Variants in DGKB observed in about 807,000 individuals in gnomAD.
DGKB encodes 90 kDa diacylglycerol kinase.
A neutral mutation model predicts 114.3 loss-of-function variants in DGKB; 67 were observed. That is an observed-to-expected ratio of 0.59 (90% confidence interval 0.48 to 0.72). The LOEUF (loss-of-function observed/expected upper bound fraction) is 0.72, where lower values mean the gene tolerates loss of function less well. DGKB is among the 30% of genes least tolerant of loss of function. The pLI, the probability that DGKB is intolerant of heterozygous loss-of-function variation, is 0.00. For missense variants in DGKB, 907 were observed against 975.2 expected (o/e 0.93, Z 0.93); for synonymous variants, 398 against 323.1 (o/e 1.23, Z -2.49).
rs1412923361 is a variant in DGKB at position 14,494,564 on chromosome 7, G to T, written c.1771-16339C>A. Among the ~76,000 whole-genome samples the T allele has an allele frequency of 2.0e-5, 3 of 151,868 alleles. No individual in the cohort carries two copies. In the South Asian group the frequency reaches 6.2e-4, roughly 32 times the overall value. ...TTAACCACACTTATGGCTTAATATGGCATTCACTTATTAAGAATGATAACC... is the reference window on the plus strand; with the variant it reads ...TTAACCACACTTATGGCTTAATATGTCATTCACTTATTAAGAATGATAACC... On this transcript the variant is annotated intron_variant, in intron 20 of 25. Transcript: ENST00000402815.
intron 1 of DGKB, among the ~76,000 whole-genome samples, chr7:14,902,360 G>A (rs1783230045): frequency 6.6e-6 from 1 of 152,162 alleles, no homozygotes; most frequent in African/African-American, 2.4e-5. Flanking sequence ...ACAATGGACA[G>A]GGCACTTTCT....
intron 23 of DGKB, among the ~76,000 whole-genome samples, chr7:14,211,403 TA>T (rs751268362): frequency 1.0e-3 from 72 of 69,164 alleles, no homozygotes; most frequent in South Asian, 4.1e-3. Context: ...TGTTTTGTGA[TA>T]TTTACTCTCA....
intron 23 of DGKB, among the ~76,000 whole-genome samples, chr7:14,308,463 G>T (rs1282758090): frequency 1.3e-5 from 2 of 152,084 alleles, no homozygotes; most frequent in South Asian, 4.1e-4. Context: ...ATGTTTAAAA[G>T]AATATTCAAA....
intron 23 of DGKB, among the ~76,000 whole-genome samples, chr7:14,307,716 A>G (rs889366841): frequency 1.3e-5 from 2 of 152,208 alleles, no homozygotes; most frequent in Non-Finnish European, 2.9e-5. Flanking sequence ...TTTCACTTAT[A>G]CATTGCTAAG....
At chr7:14,583,022 C>G (rs1800180645) in intron 18 of DGKB, 30 bp downstream of exon 18, 2 of 1,417,534 alleles carry the variant, frequency 1.4e-6, no homozygotes, top group Admixed American at 1.7e-5. Flanking sequence ...TGCTCTCTCC[C>G]CAGCCATATT....
At chr7:14,545,727 C>A (rs569779509) in intron 20 of DGKB, among the ~76,000 whole-genome samples, 1 of 152,272 alleles carries the variant, frequency 6.6e-6, no homozygotes, top group Admixed American at 6.5e-5. Context: ...TTTCTGGGAA[C>A]GTTTATTTTT....
intron 25 of DGKB, among the ~76,000 whole-genome samples, chr7:14,157,841 T>C (rs1005359045): frequency 2.0e-5 from 3 of 152,172 alleles, no homozygotes; most frequent in African/African-American, 7.2e-5. Context: ...ACATGGAAAA[T>C]AGAAGTCAAA....
At chr7:14,935,971 A>C (rs1322558896) in intron 1 of DGKB, among the ~76,000 whole-genome samples, 1 of 152,146 alleles carries the variant, frequency 6.6e-6, no homozygotes, top group Non-Finnish European at 1.5e-5. Flanking sequence ...AGACTATAGA[A>C]CTCAGTTTGG....
At chr7:14,175,263 T>G (rs1781558408) in intron 25 of DGKB, among the ~76,000 whole-genome samples, 1 of 152,228 alleles carries the variant, frequency 6.6e-6, no homozygotes, top group Admixed American at 6.5e-5. Flanking sequence ...TTTGTGTGAA[T>G]ATTTAATACA....
chr7:14,791,336 G>A (rs2191479), intron 2 of DGKB, among the ~76,000 whole-genome samples: 143,935 of 152,290 alleles, frequency 0.95, 68,112 homozygotes, highest in East Asian at 1. Context: ...ATTGCTGGAG[G>A]TTTTCAAAAT....
intron 1 of DGKB, among the ~76,000 whole-genome samples, chr7:14,955,561 C>G (rs1239697338): frequency 6.6e-6 from 1 of 151,998 alleles, no homozygotes; most frequent in Non-Finnish European, 1.5e-5. Flanking sequence ...AGAGAAATAA[C>G]TAACAGCATT....
At chr7:14,304,106 TAC>T (rs1337360461) in intron 23 of DGKB, among the ~76,000 whole-genome samples, 1 of 59,930 alleles carries the variant, frequency 1.7e-5, no homozygotes, top group Non-Finnish European at 3.9e-5. Flanking sequence ...CTCTCACCCC[TAC>T]CTCAAGCAAA....
intron 23 of DGKB, among the ~76,000 whole-genome samples, chr7:14,194,624 ATATGT>A (rs1435959765): frequency 6.6e-6 from 1 of 152,146 alleles, no homozygotes; most frequent in African/African-American, 2.4e-5. Context: ...AGGGGTTAAT[ATATGT>A]TATATTATGT....
chr7:14,619,392 G>C (rs1807185783), intron 15 of DGKB, among the ~76,000 whole-genome samples: 1 of 151,512 alleles, frequency 6.6e-6, no homozygotes, highest in Non-Finnish European at 1.5e-5. Context: ...TTTTAAAATA[G>C]AAAATAAAAT....
chr7:14,762,144 T>A (rs1835792522), intron 2 of DGKB, among the ~76,000 whole-genome samples: 1 of 152,134 alleles, frequency 6.6e-6, no homozygotes, highest in African/African-American at 2.4e-5. Context: ...TTCATCACTG[T>A]CAGAATCAAC....
chr7:14,705,162 C>T lies in DGKB; in HGVS notation c.467-3432G>A, dbSNP rs533948797. On this transcript the variant is annotated intron_variant, in intron 6 of 25. Transcript: ENST00000402815. ...GCTGAAAACCAAGGCTCGAGAGCTA[C>T]GTGAAGAATGCAGAAGCCTCAGGAG... Among the ~76,000 whole-genome samples the T allele has an allele frequency of 2.5e-3, 383 of 151,716 alleles. 1 individual carries two copies. The highest frequency in any genetic ancestry group is 8.9e-3 in the African/African-American group (366 of 41,310).
intron 8 of DGKB, among the ~76,000 whole-genome samples, chr7:14,694,528 C>A (rs932806372): frequency 1.3e-5 from 2 of 152,082 alleles, no homozygotes; most frequent in African/African-American, 2.4e-5. Context: ...CATATATATG[C>A]CAGAAAATGT....
At chr7:14,217,730 A>T (rs1039798565) in intron 23 of DGKB, among the ~76,000 whole-genome samples, 1 of 152,112 alleles carries the variant, frequency 6.6e-6, no homozygotes, top group African/African-American at 2.4e-5. Flanking sequence ...CATGGAGCTC[A>T]AACTATCTAG....
At chr7:14,604,039 C>A (rs1234592122) in intron 17 of DGKB, among the ~76,000 whole-genome samples, 1 of 152,084 alleles carries the variant, frequency 6.6e-6, no homozygotes, top group African/African-American at 2.4e-5. Flanking sequence ...TTATATAAAG[C>A]CCAAGAGTAA....
Sources: gnomAD v4.1 joint callset for allele counts (sites outside exome capture counted in the v4.1 genomes callset) on GRCh38, gnomAD v4.1.1 for gene constraint, MANE v1.5 for transcripts, NCBI Gene and HGNC (gene_info 2026-07-23, HGNC 2026-07-21) for gene names.